Variants in SEMA5A observed in about 807,000 individuals in gnomAD.
The protein encoded by SEMA5A is semaphorin-5A.
In SEMA5A, 55 loss-of-function variants were observed where a neutral mutation model predicts 135.5. The observed-to-expected ratio is 0.41, with a 90% CI of 0.33 to 0.51. The LOEUF is 0.51. SEMA5A is among the 20% of genes least tolerant of loss of function. SEMA5A has a pLI of 0.37. For synonymous variants in SEMA5A, 580 were observed against 546.5 expected, an observed-to-expected ratio of 1.06 and a Z score of -0.85; for missense variants, 1,290 against 1,419.9, an observed-to-expected ratio of 0.91 and a Z score of 1.47.
rs1561207779 is a variant in SEMA5A, at chr5:9,384,607, G to GATAGATAC, written c.-77-4585_-77-4584insGTATCTAT. The stretch of plus-strand genomic sequence containing the variant: ...AGATAGATAGATAGATAGATAGATA[G>GATAGATAC]ATAGATAGATACATAGATAGATAGA... On this transcript the variant is annotated intron_variant, in intron 2 of 22. Transcript: ENST00000382496. 2.8e-3 allele frequency among the ~76,000 whole-genome samples: 248 copies of GATAGATAC among 87,082 alleles called. 2 individuals are homozygous for GATAGATAC. The highest frequency in any genetic ancestry group is 3.9e-3 in the Non-Finnish European group (148 of 37,762). 57.1% of individuals were successfully genotyped at this position (87,082 alleles called of 152,430 possible). A position where few individuals can be genotyped will look rare whatever the true frequency, so the allele number is the denominator to read the frequency against.
chr5:9,290,668 C>T (rs1355799540), intron 5 of SEMA5A, among the ~76,000 whole-genome samples: 1 of 152,066 alleles, frequency 6.6e-6, no homozygotes, highest in African/African-American at 2.4e-5. Flanking sequence ...GAGATGATAG[C>T]GCTAGATATA....
chr5:9,107,166 G>A (rs926646536), intron 16 of SEMA5A, among the ~76,000 whole-genome samples: 1 of 152,190 alleles, frequency 6.6e-6, no homozygotes, highest in African/African-American at 2.4e-5. Flanking sequence ...CTCGTGCTGA[G>A]CTTCTCCATC....
intron 1 of SEMA5A, among the ~76,000 whole-genome samples, chr5:9,456,444 G>A (rs1758837987): frequency 6.7e-6 from 1 of 150,362 alleles, no homozygotes; most frequent in Non-Finnish European, 1.5e-5. Context: ...ACCTTCAAGG[G>A]ATTTCAAGGA....
intron 11 of SEMA5A, among the ~76,000 whole-genome samples, chr5:9,185,174 T>C (rs1264302691): frequency 1.3e-5 from 2 of 152,214 alleles, no homozygotes; most frequent in African/African-American, 4.8e-5. Flanking sequence ...GTGATTCTCC[T>C]GTTTTGTCCT....
At chr5:9,473,015 C>T (rs969222717) in intron 1 of SEMA5A, among the ~76,000 whole-genome samples, 15 of 149,848 alleles carry the variant, frequency 1.0e-4, no homozygotes, top group South Asian at 2.1e-4. Flanking sequence ...ATTTCCTTAC[C>T]GGTGGCCATT....
At chr5:9,318,335 G>A (rs1431393317) in intron 5 of SEMA5A, 37 bp downstream of exon 5, 1 of 1,589,082 alleles carries the variant, frequency 6.3e-7, no homozygotes, top group Non-Finnish European at 8.6e-7. Flanking sequence ...TAATTGGGAT[G>A]GAAAATGAAA....
rs1004650234 is a variant in SEMA5A, at chr5:9,194,289, G to T, written c.1068+2879C>A. On this transcript the variant is annotated intron_variant, in intron 10 of 22. Coordinates refer to ENST00000382496, the MANE Select transcript of SEMA5A (RefSeq NM_003966.3). ...TTTTGTTGCTTTGTTACTGTTTTGA[G>T]ATTTCTATATTAAATGTTGAAATAT... 2.6e-5 allele frequency among the ~76,000 whole-genome samples: 4 copies of T among 152,278 alleles called. 1 individual carries two copies. The South Asian group carries it at 8.3e-4, about 32-fold the overall frequency.
chr5:9,370,335 A>G (rs1465302760), intron 3 of SEMA5A, among the ~76,000 whole-genome samples: 1 of 152,164 alleles, frequency 6.6e-6, no homozygotes, highest in Non-Finnish European at 1.5e-5. Flanking sequence ...CATATTTTCA[A>G]GGTAGGATGG....
At chr5:9,541,052 T>G (rs1738055304) in intron 1 of SEMA5A, among the ~76,000 whole-genome samples, 1 of 152,216 alleles carries the variant, frequency 6.6e-6, no homozygotes, top group African/African-American at 2.4e-5. Context: ...TTTCCATGAG[T>G]ACATCATACA....
At chr5:9,082,192 G>T (rs926813350) in intron 16 of SEMA5A, among the ~76,000 whole-genome samples, 1 of 152,128 alleles carries the variant, frequency 6.6e-6, no homozygotes, top group South Asian at 2.1e-4. Flanking sequence ...GAAAATAGGG[G>T]TGCATCCCTA....
intron 1 of SEMA5A, among the ~76,000 whole-genome samples, chr5:9,521,493 G>T (rs1421766033): frequency 8.8e-6 from 1 of 113,912 alleles, no homozygotes; most frequent in African/African-American, 3.2e-5. Flanking sequence ...TCTCTATCTA[G>T]AAATAATGAT....
At chr5:9,254,477 T>C (rs996423483) in intron 5 of SEMA5A, among the ~76,000 whole-genome samples, 1 of 152,000 alleles carries the variant, frequency 6.6e-6, no homozygotes, top group African/African-American at 2.4e-5. Flanking sequence ...CTGTGAGAAG[T>C]GGAAAAACAT....
At chr5:9,088,819 A>C (rs1441462661) in intron 16 of SEMA5A, among the ~76,000 whole-genome samples, 2 of 151,998 alleles carry the variant, frequency 1.3e-5, no homozygotes, top group Non-Finnish European at 2.9e-5. Context: ...CAGCAGAATA[A>C]AAGTCAAAGT....
At chr5:9,263,066 T>C (rs567435977) in intron 5 of SEMA5A, among the ~76,000 whole-genome samples, 1 of 151,160 alleles carries the variant, frequency 6.6e-6, no homozygotes, top group Non-Finnish European at 1.5e-5. Flanking sequence ...TACAGATGTC[T>C]CTGCCAACAA....
intron 2 of SEMA5A, among the ~76,000 whole-genome samples, chr5:9,427,336 C>T (rs1481402087): frequency 6.6e-6 from 1 of 151,994 alleles, no homozygotes; most frequent in Non-Finnish European, 1.5e-5. Context: ...AAATCAACTC[C>T]TAGAAAATAC....
chr5:9,270,837 T>C (rs952054068), intron 5 of SEMA5A, among the ~76,000 whole-genome samples: 1 of 152,038 alleles, frequency 6.6e-6, no homozygotes, highest in African/African-American at 2.4e-5. Context: ...GAGGCAGACT[T>C]CTCCAATGTA....
intron 6 of SEMA5A, among the ~76,000 whole-genome samples, chr5:9,227,273 C>A (rs1329030657): frequency 2.6e-5 from 4 of 152,134 alleles, no homozygotes; most frequent in Non-Finnish European, 5.9e-5. Flanking sequence ...TCAAAGCATG[C>A]ATCTAATTTT....
chr5:9,109,028 ATTTTTTTTTTTTTTTT>A (rs67762219), intron 15 of SEMA5A, among the ~76,000 whole-genome samples: 1 of 92,440 alleles, frequency 1.1e-5, no homozygotes, highest in Non-Finnish European at 2.0e-5. Context: ...TTTCTCTTCA[ATTTTTTTTTTTTTTTT>A]TTTTTTTTTT....
chr5:9,080,474 A>C (rs191756574), intron 16 of SEMA5A, among the ~76,000 whole-genome samples: 136 of 151,894 alleles, frequency 9.0e-4, no homozygotes, highest in Non-Finnish European at 1.5e-3. Flanking sequence ...GCAAACCATC[A>C]TGGCACATGT....
Sources: allele counts gnomAD v4.1 joint callset (sites outside exome capture counted in the v4.1 genomes callset), GRCh38; gene constraint gnomAD v4.1.1; transcripts MANE v1.5; gene names NCBI Gene and HGNC (gene_info 2026-07-23, HGNC 2026-07-21).